PREX1: variants seen among roughly 807,000 people sequenced by gnomAD.
PREX1 encodes the protein phosphatidylinositol-3,4,5-trisphosphate dependent Rac exchange factor 1.
PREX1 carries 41 observed loss-of-function variants against 198.3 expected under a neutral mutation model. The observed-to-expected ratio is 0.21, with a 90% CI of 0.16 to 0.27. PREX1 has a LOEUF of 0.27. Ranked by LOEUF, PREX1 falls within the 10% of genes least tolerant of loss-of-function variation. The probability of loss-of-function intolerance (pLI) is 1.00; values close to 1 mark genes in which losing one functional copy is unlikely to be tolerated. For missense variants in PREX1, 1,620 were observed against 2,200.7 expected (o/e 0.74, Z 5.28); for synonymous variants, 843 against 887.2 (o/e 0.95, Z 0.89).
the PREX1 span, among the ~76,000 whole-genome samples, chr20:48,885,506 A>T: frequency 6.6e-6 from 1 of 152,200 alleles, no homozygotes; most frequent in East Asian, 1.9e-4. Flanking sequence ...GTTTCTTACA[A>T]AACTAAACCT....
intron 27 of PREX1, among the ~76,000 whole-genome samples, chr20:48,643,393 C>T (rs544479530): frequency 6.6e-5 from 10 of 151,784 alleles, no homozygotes; most frequent in Non-Finnish European, 1.0e-4. Flanking sequence ...CGCTTGAACC[C>T]GGGAGGTGGA....
At chr20:48,828,989 G>C (rs2090527206), upstream of PREX1, among the ~76,000 whole-genome samples, 2 of 152,188 alleles carry the variant, frequency 1.3e-5, no homozygotes, top group African/African-American at 4.8e-5. Flanking sequence ...CTGGCCGGGT[G>C]GCCTTGGGCT....
Position 48,720,250 on chromosome 20 carries a change from T to C in PREX1, c.621+6040A>G, listed in dbSNP as rs73911650. ...TGACTCCTGGTCCTTACTGATCTTC[T>C]GAACCTGATATTTATTTTTTCCACA... On this transcript the variant is annotated intron_variant, in intron 5 of 39. Transcript: ENST00000371941. Among the ~76,000 whole-genome samples, 1,485 of 152,324 alleles carry C rather than the reference T, an allele frequency of 9.7e-3. 24 individuals are homozygous for C. Among genetic ancestry groups the C allele is most frequent in the African/African-American group, 0.034 (1,419 of 41,562 alleles).
At chr20:48,672,834 C>T (rs1313299208) in intron 14 of PREX1, among the ~76,000 whole-genome samples, 1 of 152,208 alleles carries the variant, frequency 6.6e-6, no homozygotes, top group Non-Finnish European at 1.5e-5. Context: ...GCTCCCACAC[C>T]GTTCCCTCCA....
chr20:48,656,632 C>T, intron 18 of PREX1: 1 of 442,250 alleles, frequency 2.3e-6, no homozygotes, highest in Non-Finnish European at 4.6e-6. Flanking sequence ...TTCACCCCGA[C>T]TCGCAGTGAC....
chr20:48,879,745 A>T, the PREX1 span, among the ~76,000 whole-genome samples: 1 of 152,250 alleles, frequency 6.6e-6, no homozygotes, highest in Non-Finnish European at 1.5e-5. Flanking sequence ...TGATCCTAAA[A>T]ATGCCAGAGA....
At chr20:48,861,205 G>A in the PREX1 span, among the ~76,000 whole-genome samples, 1 of 152,162 alleles carries the variant, frequency 6.6e-6, no homozygotes, top group African/African-American at 2.4e-5. Flanking sequence ...GCATCACAGT[G>A]AAAGGAGAGG....
At chr20:48,774,980 C>G (rs540285865) in intron 1 of PREX1, among the ~76,000 whole-genome samples, 1 of 152,326 alleles carries the variant, frequency 6.6e-6, no homozygotes, top group Admixed American at 6.5e-5. Flanking sequence ...AAAAGAGAAG[C>G]AGGTACTAGC....
the PREX1 span, among the ~76,000 whole-genome samples, chr20:48,851,966 C>G: frequency 1.3e-5 from 2 of 152,042 alleles, no homozygotes; most frequent in Non-Finnish European, 2.9e-5. Flanking sequence ...TTTAAAAGGA[C>G]CTTTCGAGAA....
intron 7 of PREX1, among the ~76,000 whole-genome samples, chr20:48,693,188 G>GTCCGTCCATCCA (rs1555835929): frequency 2.0e-5 from 3 of 150,806 alleles, no homozygotes; most frequent in East Asian, 1.9e-4. Flanking sequence ...CTGGCAGTCC[G>GTCCGTCCATCCA]TCCATCCATC....
At chr20:48,661,444 A>AAATATATATATAT (rs1555832820) in intron 15 of PREX1, among the ~76,000 whole-genome samples, 1 of 49,600 alleles carries the variant, frequency 2.0e-5, no homozygotes. Flanking sequence ...AAAAAAAAAA[A>AAATATATATATAT]ATATATATAT....
intron 5 of PREX1, among the ~76,000 whole-genome samples, chr20:48,724,965 T>C (rs1009877011): frequency 1.3e-5 from 2 of 152,210 alleles, no homozygotes; most frequent in Non-Finnish European, 2.9e-5. Context: ...TCGAGATTGC[T>C]GGGAGAGATC....
At chr20:48,764,798 G>C (rs3960300) in intron 1 of PREX1, among the ~76,000 whole-genome samples, 2 of 95,772 alleles carry the variant, frequency 2.1e-5, no homozygotes, top group African/African-American at 5.7e-5. Context: ...AAAAAAAAAA[G>C]AAAGAAAGAA....
At chr20:48,693,770 G>C (rs537929794) in intron 7 of PREX1, among the ~76,000 whole-genome samples, 1 of 152,024 alleles carries the variant, frequency 6.6e-6, no homozygotes, top group South Asian at 2.1e-4. Flanking sequence ...ACCACGCCCA[G>C]CTAATTTTTT....
In PREX1 at chr20:48,625,650, C is replaced by G; in HGVS notation, c.*235G>C. The G allele has an allele frequency of 1.9e-6, 1 of 524,186 alleles. No individual in the cohort carries two copies. Among genetic ancestry groups the G allele is most frequent in the Non-Finnish European group, 3.3e-6 (1 of 302,458 alleles). 32.5% of individuals were successfully genotyped at this position (524,186 alleles called of 1,614,324 possible). On this transcript the variant is annotated 3_prime_UTR_variant, in exon 40 of 40. Transcript: ENST00000371941. ...GCTCTATGGGTCTCCAGCACCCCTCCAGCTTCTGGCAGGCGTGTGAAGAAT... is the reference window on the plus strand; with the variant it reads ...GCTCTATGGGTCTCCAGCACCCCTCGAGCTTCTGGCAGGCGTGTGAAGAAT...
rs527538790 is a variant in PREX1 at position 48,792,378 on chromosome 20, G to A, written c.219+35264C>T. Among the ~76,000 whole-genome samples, 6 of 152,186 alleles carry A rather than the reference G, an allele frequency of 3.9e-5. No individual in the cohort carries two copies. The South Asian group carries it at 8.3e-4, about 21-fold the overall frequency. ...CTAGCTACTCAGGAGGCTGAGGCAG[G>A]AGAATCACTTGAACCCAGAAGGCAG... On this transcript the variant is annotated intron_variant, in intron 1 of 39. Transcript: ENST00000371941.
chr20:48,803,831 G>C (rs890366357), intron 1 of PREX1, among the ~76,000 whole-genome samples: 13 of 152,234 alleles, frequency 8.5e-5, no homozygotes, highest in African/African-American at 3.1e-4. Context: ...CTCAAGGTCA[G>C]GCCAGGGAAC....
At chr20:48,689,585 G>A (rs2089806083) in intron 9 of PREX1, among the ~76,000 whole-genome samples, 1 of 152,034 alleles carries the variant, frequency 6.6e-6, no homozygotes, top group Non-Finnish European at 1.5e-5. Context: ...CCCCACCCGT[G>A]ATCCCATGTG....
At chr20:48,830,021 C>G (rs1225043777), upstream of PREX1, among the ~76,000 whole-genome samples, 3 of 152,118 alleles carry the variant, frequency 2.0e-5, no homozygotes, top group Admixed American at 1.3e-4. Flanking sequence ...TTAGCCGCGT[C>G]CCCTACCCAC....
Sources: allele counts gnomAD v4.1 joint callset (sites outside exome capture counted in the v4.1 genomes callset), GRCh38; gene constraint gnomAD v4.1.1; transcripts MANE v1.5; gene names NCBI Gene and HGNC (gene_info 2026-07-23, HGNC 2026-07-21).